The following STPG4 variants were observed in gnomAD, a reference collection of about 807,000 sequenced individuals.
STPG4 encodes sperm-tail PG-rich repeat containing 4.
In STPG4, 41 loss-of-function variants were observed where a neutral mutation model predicts 31.5. The ratio of observed to expected loss-of-function variants is 1.30; its 90% CI spans 1.01 to 1.69. The LOEUF (loss-of-function observed/expected upper bound fraction) is 1.69. Among genes scored for constraint, STPG4 ranks in the 40% most tolerant of loss-of-function variants. The pLI is 0.00. For synonymous variants in STPG4, 141 were observed against 103.0 expected (o/e 1.37, Z -2.24); for missense variants, 375 against 293.4 (o/e 1.28, Z -2.03).
chr2:47,092,349 G>C (rs1208279143), intron 5 of STPG4, among the ~76,000 whole-genome samples: 1 of 148,354 alleles, frequency 6.7e-6, no homozygotes, highest in African/African-American at 2.5e-5. Context: ...GGGCAACATG[G>C]TGAGACCTTG....
intron 5 of STPG4, among the ~76,000 whole-genome samples, chr2:47,098,144 G>A (rs1383216500): frequency 6.6e-6 from 1 of 152,288 alleles, no homozygotes; most frequent in South Asian, 2.1e-4. Context: ...TTTACAGACA[G>A]GAGCAGATTA....
intron 5 of STPG4, among the ~76,000 whole-genome samples, chr2:47,091,443 C>A (rs562896429): frequency 6.6e-6 from 1 of 152,238 alleles, no homozygotes; most frequent in Non-Finnish European, 1.5e-5. Flanking sequence ...AAACACCACA[C>A]TGGATAATGC....
At chr2:47,093,317 T>A (rs1415092517) in intron 5 of STPG4, among the ~76,000 whole-genome samples, 1 of 152,080 alleles carries the variant, frequency 6.6e-6, no homozygotes, top group Non-Finnish European at 1.5e-5. Context: ...GTGACAGAGG[T>A]TGCTGTCAGG....
intron 3 of STPG4, among the ~76,000 whole-genome samples, chr2:47,133,804 C>T (rs1686540573): frequency 1.3e-5 from 2 of 151,794 alleles, no homozygotes; most frequent in Admixed American, 1.3e-4. Flanking sequence ...CTCAAATGCC[C>T]GACCTCAGGT....
chr2:47,088,857 T>C (rs1012011985), intron 6 of STPG4, among the ~76,000 whole-genome samples: 2 of 152,168 alleles, frequency 1.3e-5, no homozygotes, highest in Non-Finnish European at 2.9e-5. Context: ...ATTATTGCTA[T>C]TAATGAGGGT....
At chr2:47,145,527 T>C (rs1024990780) in intron 3 of STPG4, among the ~76,000 whole-genome samples, 4 of 152,184 alleles carry the variant, frequency 2.6e-5, no homozygotes, top group African/African-American at 9.7e-5. Flanking sequence ...CTCCCCTATA[T>C]ATTAACAGAA....
intron 3 of STPG4, among the ~76,000 whole-genome samples, chr2:47,132,368 G>A (rs769891101): frequency 3.3e-5 from 5 of 152,034 alleles, no homozygotes; most frequent in Admixed American, 2.0e-4. Context: ...AAACAATACC[G>A]CTTTTGTTAA....
rs879797989 is a variant in STPG4 at position 47,117,925 on chromosome 2, TA to T, written c.519+12015del. Among the ~76,000 whole-genome samples the T allele has an allele frequency of 2.3e-3, 205 of 88,810 alleles. 1 individual carries two copies. Among genetic ancestry groups the T allele is most frequent in the Middle Eastern group, 0.012 (2 of 168 alleles). The allele number at this position is 88,810 out of a possible 152,430, so 58.3% of individuals were successfully genotyped here. Reference sequence around the variant, plus strand: ...TTAGAGATAGTACAACATATATATATATATATTTTTTTTTTAATAGAGATGA... The same window carrying T: ...TTAGAGATAGTACAACATATATATATTATATTTTTTTTTTAATAGAGATGA... On this transcript the variant is annotated intron_variant, in intron 5 of 6. Transcript: ENST00000445927.
intron 3 of STPG4, among the ~76,000 whole-genome samples, chr2:47,134,864 T>C (rs1686565198): frequency 6.6e-6 from 1 of 152,238 alleles, no homozygotes; most frequent in Non-Finnish European, 1.5e-5. Context: ...CTTGCCAGCT[T>C]TGATGTTGTC....
chr2:47,110,793 G>A (rs1038292535), intron 5 of STPG4, among the ~76,000 whole-genome samples: 1 of 152,072 alleles, frequency 6.6e-6, no homozygotes, highest in Non-Finnish European at 1.5e-5. Flanking sequence ...CTACACATTA[G>A]ATCATAAACA....
intron 5 of STPG4, among the ~76,000 whole-genome samples, chr2:47,122,100 T>C (rs981088467): frequency 6.6e-6 from 1 of 152,204 alleles, no homozygotes; most frequent in African/African-American, 2.4e-5. Flanking sequence ...CACACTTAAA[T>C]GTTAGTGAGA....
At chr2:47,093,129 T>C (rs1301770759) in intron 5 of STPG4, among the ~76,000 whole-genome samples, 1 of 152,220 alleles carries the variant, frequency 6.6e-6, no homozygotes, top group African/African-American at 2.4e-5. Context: ...CCATTCTCTC[T>C]GGCAGGTGGC....
At position 47,155,252 on chromosome 2, in the gene STPG4, GGTGGCCTCCTCTCT is replaced by G; in HGVS notation, c.-15_-2del. 6.2e-6 allele frequency: 10 copies of G among 1,614,082 alleles called. No individual in the cohort carries two copies. The highest frequency in any genetic ancestry group is 8.5e-6 in the Non-Finnish European group (10 of 1,179,970). ...CGGTGGCGACGGCTGGCTGGTCCAT[GGTGGCCTCCTCTCT>G]CTCTAGGCTGAACCTGAGCTCCGGT... On this transcript the variant is annotated 5_prime_UTR_variant, in exon 1 of 7. Transcript: ENST00000445927.
intron 3 of STPG4, among the ~76,000 whole-genome samples, chr2:47,140,007 C>T (rs1055180556): frequency 6.6e-6 from 1 of 152,002 alleles, no homozygotes; most frequent in Admixed American, 6.6e-5. Context: ...AACTCCTGAC[C>T]CTGTGATCCG....
At chr2:47,092,237 A>G (rs906888724) in intron 5 of STPG4, among the ~76,000 whole-genome samples, 12 of 148,756 alleles carry the variant, frequency 8.1e-5, no homozygotes, top group African/African-American at 3.0e-4. Context: ...AATTAGGTAA[A>G]GAAGAAAAGA....
At chr2:47,094,939 G>A (rs1426810675) in intron 5 of STPG4, among the ~76,000 whole-genome samples, 2 of 152,216 alleles carry the variant, frequency 1.3e-5, no homozygotes, top group African/African-American at 4.8e-5. Flanking sequence ...AGGGCTGGGA[G>A]GCTGGGACTG....
At chr2:47,088,450 T>G (rs1685503878) in intron 6 of STPG4, among the ~76,000 whole-genome samples, 1 of 152,142 alleles carries the variant, frequency 6.6e-6, no homozygotes, top group Non-Finnish European at 1.5e-5. Flanking sequence ...CAAGCCTGAG[T>G]TCCAGTCCTA....
chr2:47,128,039 G>T (rs1686399160), intron 5 of STPG4, among the ~76,000 whole-genome samples: 1 of 152,184 alleles, frequency 6.6e-6, no homozygotes, highest in Non-Finnish European at 1.5e-5. Context: ...GGTCACCGTA[G>T]CTGTGTCTGC....
intron 5 of STPG4, among the ~76,000 whole-genome samples, chr2:47,091,296 G>C (rs1422412773): frequency 1.3e-5 from 2 of 152,200 alleles, no homozygotes; most frequent in African/African-American, 4.8e-5. Context: ...GGCAAGATAT[G>C]AAACAGCTTA....
Sources: allele counts gnomAD v4.1 joint callset (sites outside exome capture counted in the v4.1 genomes callset), GRCh38; gene constraint gnomAD v4.1.1; transcripts MANE v1.5; gene names NCBI Gene and HGNC (gene_info 2026-07-23, HGNC 2026-07-21).